Variants in CNTNAP2 observed in about 807,000 individuals in gnomAD.
The protein encoded by CNTNAP2 is contactin-associated protein-like 2.
CNTNAP2 carries 98 observed loss-of-function variants against 155.2 expected under a neutral mutation model. The ratio of observed to expected loss-of-function variants is 0.63; its 90% confidence interval spans 0.54 to 0.75. The LOEUF (loss-of-function observed/expected upper bound fraction) is 0.75. CNTNAP2 is among the 30% of genes least tolerant of loss of function. The pLI is 0.00. For synonymous variants in CNTNAP2, 651 were observed against 631.2 expected (o/e 1.03, Z -0.47); for missense variants, 1,727 against 1,688.1 (o/e 1.02, Z -0.40).
At chr7:146,716,387 C>T (rs1247853751) in intron 1 of CNTNAP2, among the ~76,000 whole-genome samples, 5 of 149,120 alleles carry the variant, frequency 3.4e-5, no homozygotes, top group Admixed American at 1.3e-4. Context: ...AAACTCAAAA[C>T]AAAACAACTT....
intron 12 of CNTNAP2, among the ~76,000 whole-genome samples, chr7:147,602,562 A>G (rs890854975): frequency 2.0e-5 from 3 of 151,178 alleles, no homozygotes; most frequent in African/African-American, 7.3e-5. Flanking sequence ...ATATGTATAC[A>G]TGTGCCATGC....
chr7:146,341,494 T>C (rs1584878287), intron 1 of CNTNAP2, among the ~76,000 whole-genome samples: 1 of 152,228 alleles, frequency 6.6e-6, no homozygotes, highest in African/African-American at 2.4e-5. Flanking sequence ...GCATGTAAAA[T>C]GAAGGAAAGA....
At chr7:147,029,404 A>G (rs1798984971) in intron 3 of CNTNAP2, among the ~76,000 whole-genome samples, 1 of 152,228 alleles carries the variant, frequency 6.6e-6, no homozygotes, top group Non-Finnish European at 1.5e-5. Flanking sequence ...TTGAAAGAAG[A>G]AACAGCAACG....
intron 4 of CNTNAP2, among the ~76,000 whole-genome samples, chr7:147,057,136 T>C (rs761330078): frequency 4.0e-4 from 61 of 152,256 alleles, no homozygotes; most frequent in Non-Finnish European, 5.6e-4. Context: ...AGTTAAAATA[T>C]GCTACAAATT....
At chr7:147,944,670 T>C (rs976922662) in intron 14 of CNTNAP2, among the ~76,000 whole-genome samples, 5 of 152,222 alleles carry the variant, frequency 3.3e-5, no homozygotes, top group Non-Finnish European at 7.3e-5. Flanking sequence ...TTGTTTTAAA[T>C]GTGCTTGGAA....
chr7:148,411,784 G>GAAA lies in CNTNAP2; in HGVS notation c.3796+2323_3796+2325dup, dbSNP rs35153722. Among the ~76,000 whole-genome samples, 502 of 145,086 alleles carry GAAA rather than the reference G, an allele frequency of 3.5e-3. 3 individuals are homozygous for GAAA. The highest frequency in any genetic ancestry group is 0.01 in the African/African-American group (399 of 39,500). Reference sequence around the variant, plus strand: ...TCTAGTCATTCCAAGACCATTTGTTGAAAAAAAAAAAACTATACTTTTCCT... The same window carrying GAAA: ...TCTAGTCATTCCAAGACCATTTGTTGAAAAAAAAAAAAAAACTATACTTTTCCT... On this transcript the variant is annotated intron_variant, in intron 23 of 23. Coordinates refer to ENST00000361727, the MANE Select transcript of CNTNAP2 (RefSeq NM_014141.6).
At chr7:147,292,622 G>C (rs542676171) in intron 8 of CNTNAP2, among the ~76,000 whole-genome samples, 4 of 152,118 alleles carry the variant, frequency 2.6e-5, no homozygotes, top group Non-Finnish European at 1.5e-5. Flanking sequence ...AACTTTAAAA[G>C]CTCCCCCAAA....
chr7:146,647,728 C>T (rs1483973041), intron 1 of CNTNAP2, among the ~76,000 whole-genome samples: 1 of 152,116 alleles, frequency 6.6e-6, no homozygotes, highest in African/African-American at 2.4e-5. Flanking sequence ...CCGTTTTGAC[C>T]TTCTTGATCC....
Position 147,664,910 on chromosome 7 carries a change from C to T in CNTNAP2, c.2098+25604C>T, listed in dbSNP as rs564620658. 4.6e-5 allele frequency among the ~76,000 whole-genome samples: 7 copies of T among 152,312 alleles called. 1 individual carries two copies. The highest frequency in any genetic ancestry group is 1.7e-4 in the African/African-American group (7 of 41,572). On this transcript the variant is annotated intron_variant, in intron 13 of 23. Transcript: ENST00000361727. ...CCTTGTAAGTTATTTACCTCTCTCC[C>T]ATACAGTACGTGCCAGGTGGCCCAT... is the stretch of plus-strand genomic sequence containing the variant.
chr7:147,110,541 G>C (rs1279504087), intron 5 of CNTNAP2, among the ~76,000 whole-genome samples: 1 of 151,904 alleles, frequency 6.6e-6, no homozygotes, highest in Non-Finnish European at 1.5e-5. Context: ...CTAAACCTCC[G>C]ACAGACCCCA....
intron 1 of CNTNAP2, among the ~76,000 whole-genome samples, chr7:146,306,776 C>T (rs1800720344): frequency 6.6e-6 from 1 of 152,192 alleles, no homozygotes. Flanking sequence ...TGACAAAATG[C>T]AACATCCCTT....
chr7:146,849,805 A>T (rs1421220034), intron 3 of CNTNAP2, among the ~76,000 whole-genome samples: 7 of 152,148 alleles, frequency 4.6e-5, no homozygotes, highest in Admixed American at 3.9e-4. Flanking sequence ...ATTCAAAGTG[A>T]TATAAAGAAT....
chr7:148,115,770 TCTCCTCCCCAA>T (rs1804455378), intron 15 of CNTNAP2, among the ~76,000 whole-genome samples: 1 of 151,984 alleles, frequency 6.6e-6, no homozygotes, highest in South Asian at 2.1e-4. Context: ...CATACAATAT[TCTCCTCCCCAA>T]GAAGAAAGCA....
chr7:147,951,889 A>G (rs1221344799), intron 14 of CNTNAP2, among the ~76,000 whole-genome samples: 1 of 151,980 alleles, frequency 6.6e-6, no homozygotes, highest in Non-Finnish European at 1.5e-5. Context: ...ATAGCTATAT[A>G]ACAAACCTGC....
At chr7:146,394,609 A>T (rs1353597071) in intron 1 of CNTNAP2, among the ~76,000 whole-genome samples, 1 of 152,150 alleles carries the variant, frequency 6.6e-6, no homozygotes, top group East Asian at 1.9e-4. Flanking sequence ...GTATTTAAAT[A>T]AAGTTTACTT....
intron 8 of CNTNAP2, among the ~76,000 whole-genome samples, chr7:147,253,396 T>C (rs2116664278): frequency 6.6e-6 from 1 of 151,994 alleles, no homozygotes; most frequent in South Asian, 2.1e-4. Flanking sequence ...TTTTTTTTTT[T>C]TTTTTTTAGA....
At chr7:147,587,552 A>G (rs553254714) in intron 12 of CNTNAP2, among the ~76,000 whole-genome samples, 10 of 152,276 alleles carry the variant, frequency 6.6e-5, no homozygotes, top group South Asian at 2.1e-4. Context: ...CCTAAACTCA[A>G]TTGTAACACT....
intron 3 of CNTNAP2, among the ~76,000 whole-genome samples, chr7:146,996,344 T>C (rs1333721945): frequency 1.3e-5 from 2 of 152,128 alleles, no homozygotes; most frequent in Non-Finnish European, 2.9e-5. Flanking sequence ...ACTTTCAATC[T>C]ACGAACATAA....
chr7:146,884,997 G>A (rs914554045), intron 3 of CNTNAP2, among the ~76,000 whole-genome samples: 5 of 151,970 alleles, frequency 3.3e-5, no homozygotes, highest in African/African-American at 7.3e-5. Context: ...TATAATCAAT[G>A]GTGGTCTAAT....
Sources: allele counts gnomAD v4.1 joint callset (sites outside exome capture counted in the v4.1 genomes callset), GRCh38; gene constraint gnomAD v4.1.1; transcripts MANE v1.5; gene names NCBI Gene and HGNC (gene_info 2026-07-23, HGNC 2026-07-21).